Variants in CFAP20DC observed in about 807,000 individuals in gnomAD.
CFAP20DC encodes the protein protein CFAP20DC.
CFAP20DC carries 84 observed loss-of-function variants against 101.7 expected under a neutral mutation model. That is an observed-to-expected ratio of 0.83 (90% CI 0.69 to 0.99). CFAP20DC has a LOEUF of 0.99. Among genes scored for constraint, CFAP20DC ranks in the 50% least tolerant of loss-of-function variants. The pLI, the probability that CFAP20DC is intolerant of heterozygous loss-of-function variation, is 0.00. For synonymous variants in CFAP20DC, 359 were observed against 351.2 expected (o/e 1.02, Z -0.25); for missense variants, 1,007 against 970.3 (o/e 1.04, Z -0.50).
chr3:58,785,492 G>A (rs2072249814), intron 15 of CFAP20DC, among the ~76,000 whole-genome samples: 2 of 152,040 alleles, frequency 1.3e-5, no homozygotes, highest in South Asian at 4.1e-4. Context: ...CAAATATTCT[G>A]TCTTGGTCAT....
At chr3:58,839,487 T>C (rs1052340118) in intron 13 of CFAP20DC, among the ~76,000 whole-genome samples, 5 of 152,168 alleles carry the variant, frequency 3.3e-5, no homozygotes, top group Admixed American at 3.3e-4. Context: ...AGCTTCTGAG[T>C]CAAGGATTTC....
intron 6 of CFAP20DC, among the ~76,000 whole-genome samples, chr3:58,889,158 G>C (rs1034363606): frequency 2.6e-5 from 4 of 151,934 alleles, no homozygotes; most frequent in South Asian, 2.1e-4. Flanking sequence ...TTTATACTTA[G>C]AGAATGTCTC....
chr3:59,030,661 G>GT (rs1334420027), intron 4 of CFAP20DC, among the ~76,000 whole-genome samples: 1 of 152,144 alleles, frequency 6.6e-6, no homozygotes, highest in Non-Finnish European at 1.5e-5. Flanking sequence ...CCCTCGAAAT[G>GT]TTTTCCTATC....
chr3:58,938,172 T>A (rs1025216455), intron 4 of CFAP20DC, among the ~76,000 whole-genome samples: 2 of 152,196 alleles, frequency 1.3e-5, no homozygotes, highest in African/African-American at 4.8e-5. Flanking sequence ...TCCCTAAAAA[T>A]GCATCTGTCA....
At chr3:58,782,548 A>G (rs1274927010) in intron 15 of CFAP20DC, among the ~76,000 whole-genome samples, 1 of 152,102 alleles carries the variant, frequency 6.6e-6, no homozygotes, top group Non-Finnish European at 1.5e-5. Context: ...GACTCCAGAA[A>G]AACTCTAAGA....
intron 3 of CFAP20DC, among the ~76,000 whole-genome samples, chr3:58,733,127 T>C (rs1202361026): frequency 2.0e-5 from 3 of 152,070 alleles, no homozygotes; most frequent in African/African-American, 7.2e-5. Flanking sequence ...AGGTCAGGTG[T>C]TTGAGACCAG....
chr3:58,868,920 A>T lies in CFAP20DC; in HGVS notation c.1015+408T>A, dbSNP rs2079909616. On this transcript the variant is annotated intron_variant, in intron 9 of 16. Coordinates refer to ENST00000482387, the MANE Select transcript of CFAP20DC (RefSeq NM_001394063.1). This position sits in a 1 kb window ranked among gnomAD's most constrained non-coding sequence, Gnocchi z 4.6. ...GGAACAAAAATCCTTTTTCACTTAC[A>T]GGGTTTATTTTATTTTTGTTGTTGG... Among the ~76,000 whole-genome samples the T allele has an allele frequency of 6.6e-6, 1 of 152,188 alleles. No homozygotes were observed. Among genetic ancestry groups the T allele is most frequent in the Non-Finnish European group, 1.5e-5 (1 of 68,024 alleles).
At chr3:58,992,511 G>T in intron 4 of CFAP20DC, 2 of 952,434 alleles carry the variant, frequency 2.1e-6, no homozygotes, top group African/African-American at 1.8e-5. Context: ...ACCTCACCTC[G>T]TTCTTCAAAT....
At chr3:58,815,181 C>T (rs1198191691) in intron 14 of CFAP20DC, among the ~76,000 whole-genome samples, 13 of 151,656 alleles carry the variant, frequency 8.6e-5, no homozygotes, top group Non-Finnish European at 1.9e-4. Context: ...TGGAACAGAA[C>T]ACAGCCCTCA....
chr3:59,020,614 C>T (rs2093784108), intron 4 of CFAP20DC, among the ~76,000 whole-genome samples: 3 of 151,924 alleles, frequency 2.0e-5, no homozygotes, highest in Admixed American at 1.3e-4. Context: ...CTCCCTTTTA[C>T]GTAGGAGATT....
At chr3:58,775,108 G>A (rs774023518) in intron 15 of CFAP20DC, among the ~76,000 whole-genome samples, 7 of 152,062 alleles carry the variant, frequency 4.6e-5, no homozygotes, top group African/African-American at 7.2e-5. Context: ...CAAGGTGGTC[G>A]GGGCACAGCT....
chr3:58,850,408 G>T (rs1468993776), intron 12 of CFAP20DC, among the ~76,000 whole-genome samples: 1 of 151,908 alleles, frequency 6.6e-6, no homozygotes, highest in Non-Finnish European at 1.5e-5. Flanking sequence ...CCAACATGGA[G>T]AAACCCTGTC....
At chr3:58,848,283 A>G (rs1012373993) in intron 13 of CFAP20DC, among the ~76,000 whole-genome samples, 1 of 152,160 alleles carries the variant, frequency 6.6e-6, no homozygotes, top group African/African-American at 2.4e-5. Flanking sequence ...ACACCAGGTA[A>G]CAATTAATCC....
At chr3:58,775,678 G>C (rs2071265977) in intron 15 of CFAP20DC, among the ~76,000 whole-genome samples, 1 of 151,662 alleles carries the variant, frequency 6.6e-6, no homozygotes, top group Non-Finnish European at 1.5e-5. Context: ...AAGCCTATCT[G>C]CTGGTTATAT....
chr3:58,930,544 T>C (rs1419122477), intron 5 of CFAP20DC, among the ~76,000 whole-genome samples: 1 of 152,212 alleles, frequency 6.6e-6, no homozygotes, highest in Non-Finnish European at 1.5e-5. Flanking sequence ...CAGTTTTCCT[T>C]CAGTCCTAAC....
At chr3:58,771,233 C>T (rs1169592307) in intron 15 of CFAP20DC, among the ~76,000 whole-genome samples, 3 of 150,746 alleles carry the variant, frequency 2.0e-5, no homozygotes, top group Admixed American at 1.3e-4. Context: ...GGGAACATCA[C>T]ACACTGGGGC....
At chr3:58,840,282 T>G (rs1034145948) in intron 13 of CFAP20DC, among the ~76,000 whole-genome samples, 6 of 152,190 alleles carry the variant, frequency 3.9e-5, no homozygotes, top group African/African-American at 1.2e-4. Context: ...AAGCTATTGG[T>G]AGGAGTGTCC....
At chr3:58,947,211 T>C (rs1307213204) in intron 4 of CFAP20DC, among the ~76,000 whole-genome samples, 1 of 152,198 alleles carries the variant, frequency 6.6e-6, no homozygotes, top group East Asian at 1.9e-4. Context: ...TACTTTACTT[T>C]ACTAAAGGGC....
intron 4 of CFAP20DC, chr3:58,970,826 G>A (rs548983152): frequency 6.6e-6 from 1 of 152,220 alleles, no homozygotes; most frequent in East Asian, 1.9e-4. Flanking sequence ...TCGGATGTAT[G>A]CTTCTAATTG....
Sources: gnomAD v4.1 joint callset for allele counts (sites outside exome capture counted in the v4.1 genomes callset) on GRCh38, gnomAD v4.1.1 for gene constraint, Gnocchi (gnomAD v3.1) non-coding constraint, MANE v1.5 for transcripts, NCBI Gene and HGNC (gene_info 2026-07-23, HGNC 2026-07-21) for gene names.